PHF24: variants seen among roughly 807,000 people sequenced by gnomAD.
PHF24 encodes PHD finger protein 24, also known as Galpha inhibitory interacting protein.
PHF24 carries 25 observed loss-of-function variants against 42.6 expected under a neutral mutation model. The observed-to-expected ratio is 0.59, with a 90% confidence interval of 0.43 to 0.82. The LOEUF (loss-of-function observed/expected upper bound fraction) is 0.82. PHF24 is among the 40% of genes least tolerant of loss of function. The probability of loss-of-function intolerance (pLI) is 0.00; values close to 1 mark genes in which losing one functional copy is unlikely to be tolerated. For missense variants in PHF24, 470 were observed against 538.1 expected (o/e 0.87, Z 1.25); for synonymous variants, 185 against 204.8 (o/e 0.90, Z 0.83).
chr9:34,976,133 A>C lies in PHF24; in HGVS notation c.565-19A>C, dbSNP rs1487585953. 1.2e-6 allele frequency: 2 copies of C among 1,602,002 alleles called. No homozygotes were observed. The highest frequency in any genetic ancestry group is 1.7e-6 in the Non-Finnish European group (2 of 1,169,136). ...TACTGGCCTGTATGGCCACCGACTC[A>C]GCTCTTCCTTATTTTCAGGACAACA... On this transcript the variant is annotated intron_variant, in intron 3 of 7. Transcript: ENST00000242315.
the PHF24 span, among the ~76,000 whole-genome samples, chr9:34,799,594 T>G: frequency 6.6e-6 from 1 of 152,192 alleles, no homozygotes; most frequent in Non-Finnish European, 1.5e-5. Context: ...TTCCCTTTTT[T>G]GCTGTTCAAT....
At chr9:34,850,110 A>G in the PHF24 span, among the ~76,000 whole-genome samples, 1 of 152,150 alleles carries the variant, frequency 6.6e-6, no homozygotes, top group Non-Finnish European at 1.5e-5. Flanking sequence ...GAGTATCTTT[A>G]TCGCGTTCTC....
At chr9:34,775,549 G>A in the PHF24 span, among the ~76,000 whole-genome samples, 1 of 152,030 alleles carries the variant, frequency 6.6e-6, no homozygotes, top group Non-Finnish European at 1.5e-5. Context: ...TTTATGTTTT[G>A]TATATTTTAC....
At chr9:34,934,387 T>C in the PHF24 span, among the ~76,000 whole-genome samples, 3 of 152,170 alleles carry the variant, frequency 2.0e-5, no homozygotes, top group Admixed American at 6.5e-5. Flanking sequence ...CTCTATTCTG[T>C]GTGCAGCTGT....
chr9:34,934,242 C>T, the PHF24 span, among the ~76,000 whole-genome samples: 1 of 152,250 alleles, frequency 6.6e-6, no homozygotes, highest in African/African-American at 2.4e-5. Flanking sequence ...CAGAAACAAA[C>T]ATGTAGTAAC....
chr9:34,936,528 C>T, the PHF24 span, among the ~76,000 whole-genome samples: 1 of 151,802 alleles, frequency 6.6e-6, no homozygotes, highest in African/African-American at 2.4e-5. Flanking sequence ...GCCTGGCCGC[C>T]CATCGTCTGG....
chr9:34,943,085 T>C, the PHF24 span, among the ~76,000 whole-genome samples: 1 of 152,218 alleles, frequency 6.6e-6, no homozygotes, highest in East Asian at 1.9e-4. Context: ...GCTGTAGCAA[T>C]TAACCCATAT....
chr9:34,734,465 G>C, the PHF24 span, among the ~76,000 whole-genome samples: 1 of 152,180 alleles, frequency 6.6e-6, no homozygotes, highest in Non-Finnish European at 1.5e-5. Context: ...AAAAGGAAGA[G>C]CAGCTGCTGA....
chr9:34,851,691 C>T, the PHF24 span, among the ~76,000 whole-genome samples: 1 of 152,206 alleles, frequency 6.6e-6, no homozygotes, highest in Non-Finnish European at 1.5e-5. Flanking sequence ...CTGTCTTCTG[C>T]ATCGCTCACG....
chr9:34,818,434 A>G, the PHF24 span, among the ~76,000 whole-genome samples: 1 of 152,158 alleles, frequency 6.6e-6, no homozygotes, highest in African/African-American at 2.4e-5. Context: ...TGAGTTGATC[A>G]TACTGTTTTT....
the PHF24 span, among the ~76,000 whole-genome samples, chr9:34,729,115 C>A: frequency 6.6e-6 from 1 of 151,980 alleles, no homozygotes; most frequent in South Asian, 2.1e-4. Flanking sequence ...GACTATGTTG[C>A]GGGAAGGGCC....
chr9:34,875,936 A>ACTCTCT, the PHF24 span, among the ~76,000 whole-genome samples: 667 of 87,282 alleles, frequency 7.6e-3, 9 homozygotes, highest in Non-Finnish European at 9.2e-3. Flanking sequence ...ACACACACAC[A>ACTCTCT]CACACACACA....
the PHF24 span, among the ~76,000 whole-genome samples, chr9:34,941,452 G>A: frequency 2.0e-5 from 3 of 152,190 alleles, no homozygotes; most frequent in African/African-American, 7.2e-5. Flanking sequence ...CCCCTGAATA[G>A]TGATGCTGGC....
At chr9:34,977,501 C>G (rs950017915) in intron 6 of PHF24, 45 bp from the exon 7 acceptor site, 1 of 1,544,036 alleles carries the variant, frequency 6.5e-7, no homozygotes, top group Admixed American at 1.9e-5. Context: ...AGGGGGCAGG[C>G]ATTTCACTAT....
chr9:34,952,528 A>T, the PHF24 span, among the ~76,000 whole-genome samples: 1 of 152,230 alleles, frequency 6.6e-6, no homozygotes, highest in Non-Finnish European at 1.5e-5. Context: ...TAAATTTTAT[A>T]TCCAAAGGCA....
chr9:34,821,565 A>T, the PHF24 span, among the ~76,000 whole-genome samples: 1 of 152,164 alleles, frequency 6.6e-6, no homozygotes, highest in Non-Finnish European at 1.5e-5. Flanking sequence ...GGTGGGTGGC[A>T]GTGGGTGGGT....
chr9:34,826,368 C>T, the PHF24 span, among the ~76,000 whole-genome samples: 1 of 152,222 alleles, frequency 6.6e-6, no homozygotes, highest in African/African-American at 2.4e-5. Context: ...CTGGCCCTTC[C>T]ATCTATGGCA....
the PHF24 span, among the ~76,000 whole-genome samples, chr9:34,732,506 G>T: frequency 1.3e-5 from 2 of 151,754 alleles, no homozygotes; most frequent in South Asian, 2.1e-4. Context: ...TATATGTTCT[G>T]GTTATCAATC....
chr9:34,921,210 A>G, the PHF24 span, among the ~76,000 whole-genome samples: 3 of 150,678 alleles, frequency 2.0e-5, no homozygotes, highest in Non-Finnish European at 3.0e-5. Flanking sequence ...CTTTTATTCC[A>G]TTTACATGAA....
Sources: allele counts gnomAD v4.1 joint callset (sites outside exome capture counted in the v4.1 genomes callset), GRCh38; gene constraint gnomAD v4.1.1; transcripts MANE v1.5; gene names NCBI Gene and HGNC (gene_info 2026-07-23, HGNC 2026-07-21).